The following SMYD3 variants were observed in gnomAD, a reference collection of about 807,000 sequenced individuals.
The protein encoded by SMYD3 is SET and MYND domain containing 3.
A neutral mutation model predicts 57.7 loss-of-function variants in SMYD3; 36 were observed. The observed-to-expected ratio is 0.62, with a 90% CI of 0.48 to 0.82. SMYD3 has a LOEUF of 0.82. Among genes scored for constraint, SMYD3 ranks in the 40% least tolerant of loss-of-function variants. SMYD3 has a pLI of 0.00. For synonymous variants in SMYD3, 211 were observed against 195.0 expected (o/e 1.08, Z -0.68); for missense variants, 515 against 538.8 (o/e 0.96, Z 0.44).
Position 245,831,211 on chromosome 1 carries a change from T to C in SMYD3, c.1076+27285A>G, listed in dbSNP as rs146959362. 3.5e-3 allele frequency among the ~76,000 whole-genome samples: 534 copies of C among 152,310 alleles called. 2 individuals are homozygous for C. Among genetic ancestry groups the C allele is most frequent in the African/African-American group, 0.012 (489 of 41,564 alleles). ...TATCTTACTGAGACTAATAAATTACTGTCCTTCACAACAGAGGTACACAAA... is the reference window on the plus strand; with the variant it reads ...TATCTTACTGAGACTAATAAATTACCGTCCTTCACAACAGAGGTACACAAA... On this transcript the variant is annotated intron_variant, in intron 10 of 11. Transcript: ENST00000490107.
intron 5 of SMYD3, chr1:246,326,073 A>C (rs2065344380): frequency 7.4e-6 from 2 of 269,624 alleles, no homozygotes; most frequent in Non-Finnish European, 1.4e-5. Flanking sequence ...CAGAATAAAA[A>C]TACATTTGAG....
At chr1:246,367,716 G>A (rs754397723) in intron 1 of SMYD3, among the ~76,000 whole-genome samples, 2 of 152,134 alleles carry the variant, frequency 1.3e-5, no homozygotes, top group Admixed American at 1.3e-4. Flanking sequence ...ACAGGCGTGA[G>A]CCACCATGCC....
chr1:245,988,509 T>G (rs186894762), intron 5 of SMYD3: 4 of 152,376 alleles, frequency 2.6e-5, no homozygotes, highest in African/African-American at 9.6e-5. Context: ...GTAACCATCT[T>G]CTTCTGTAGC....
At chr1:245,935,483 T>G (rs6694134) in intron 5 of SMYD3, among the ~76,000 whole-genome samples, 9,006 of 152,184 alleles carry the variant, frequency 0.059, 889 homozygotes, top group African/African-American at 0.21. Flanking sequence ...TGAAAAACTG[T>G]ACAGAAGTTA....
intron 5 of SMYD3, among the ~76,000 whole-genome samples, chr1:245,980,020 G>C (rs1360146470): frequency 6.6e-6 from 1 of 152,224 alleles, no homozygotes; most frequent in African/African-American, 2.4e-5. Flanking sequence ...GCCAGCTGTG[G>C]GGCTTTGGGA....
intron 1 of SMYD3, among the ~76,000 whole-genome samples, chr1:246,488,045 G>A (rs1284950614): frequency 3.3e-5 from 5 of 152,190 alleles, no homozygotes; most frequent in East Asian, 3.9e-4. Context: ...ATGTGACCTC[G>A]TAATAAACTG....
intron 10 of SMYD3, among the ~76,000 whole-genome samples, chr1:245,785,750 G>A (rs1189024831): frequency 6.6e-6 from 1 of 152,186 alleles, no homozygotes. Context: ...ACCGGCTGCA[G>A]TGTAGTGCTG....
intron 1 of SMYD3, among the ~76,000 whole-genome samples, chr1:246,487,434 T>C (rs1328808709): frequency 6.6e-6 from 1 of 151,690 alleles, no homozygotes; most frequent in African/African-American, 2.4e-5. Context: ...CACTCCAGCC[T>C]GGGCAACAGA....
rs1207758659 is a variant in SMYD3 at position 246,474,291 on chromosome 1, G to A, written c.164+32763C>T. The stretch of plus-strand genomic sequence containing the variant: ...TGCAAGCACTTTGCGGGGCCAAGGC[G>A]GGTGGATCATGAGATCAGGAGATCG... On this transcript the variant is annotated intron_variant, in intron 1 of 11. Coordinates refer to ENST00000490107, the MANE Select transcript of SMYD3 (RefSeq NM_001167740.2). Among the ~76,000 whole-genome samples the A allele has an allele frequency of 3.9e-5, 6 of 152,032 alleles. No homozygotes were observed. The South Asian group carries it at 8.3e-4, about 21-fold the overall frequency.
chr1:246,360,205 T>A (rs1468366214), intron 1 of SMYD3, among the ~76,000 whole-genome samples: 1 of 152,052 alleles, frequency 6.6e-6, no homozygotes, highest in African/African-American at 2.4e-5. Flanking sequence ...ACTCAATCCC[T>A]TTTACAATAG....
intron 5 of SMYD3, among the ~76,000 whole-genome samples, chr1:245,948,903 G>A (rs2057517910): frequency 1.3e-5 from 2 of 152,194 alleles, no homozygotes; most frequent in Admixed American, 1.3e-4. Flanking sequence ...GGCAAGCCAT[G>A]CAAAGGCCTG....
chr1:245,760,452 G>T (rs560380557), intron 11 of SMYD3, among the ~76,000 whole-genome samples: 1 of 152,098 alleles, frequency 6.6e-6, no homozygotes, highest in African/African-American at 2.4e-5. Context: ...CACAGGTCAC[G>T]TGAGCTTTCC....
At chr1:246,429,015 C>A (rs1333986702) in intron 1 of SMYD3, among the ~76,000 whole-genome samples, 1 of 151,610 alleles carries the variant, frequency 6.6e-6, no homozygotes, top group Non-Finnish European at 1.5e-5. Context: ...TCCTTCCTAC[C>A]AAACAAAAGC....
intron 5 of SMYD3, among the ~76,000 whole-genome samples, chr1:246,054,975 A>G (rs1558186893): frequency 6.6e-6 from 1 of 151,556 alleles, no homozygotes; most frequent in Non-Finnish European, 1.5e-5. Context: ...GGAGATCGTG[A>G]CCATCCTGGC....
chr1:245,862,260 T>A (rs2051589868), intron 9 of SMYD3, among the ~76,000 whole-genome samples: 1 of 152,136 alleles, frequency 6.6e-6, no homozygotes, highest in Non-Finnish European at 1.5e-5. Context: ...GGTACTATCA[T>A]CTCTATCATT....
At chr1:246,380,007 CAA>C (rs111443015) in intron 1 of SMYD3, among the ~76,000 whole-genome samples, 1 of 104,684 alleles carries the variant, frequency 9.6e-6, no homozygotes. Flanking sequence ...CACTCTGTCT[CAA>C]AAAAAAAAAG....
At chr1:245,994,648 G>A (rs10802313) in intron 5 of SMYD3, among the ~76,000 whole-genome samples, 2 of 151,934 alleles carry the variant, frequency 1.3e-5, no homozygotes, top group Non-Finnish European at 2.9e-5. Context: ...TCAGAAATAG[G>A]GGAGGGCCTT....
intron 1 of SMYD3, among the ~76,000 whole-genome samples, chr1:246,491,511 G>C (rs1211332836): frequency 2.0e-5 from 3 of 148,954 alleles, no homozygotes; most frequent in Non-Finnish European, 4.4e-5. Flanking sequence ...TTGCACTCCA[G>C]CCTCGGCAAC....
At chr1:246,408,027 G>A (rs1393406245) in intron 1 of SMYD3, among the ~76,000 whole-genome samples, 1 of 151,788 alleles carries the variant, frequency 6.6e-6, no homozygotes, top group Admixed American at 6.6e-5. Flanking sequence ...TCCTCACTTG[G>A]CAGAAGGGGA....
Sources: gnomAD v4.1 joint callset for allele counts (sites outside exome capture counted in the v4.1 genomes callset) on GRCh38, gnomAD v4.1.1 for gene constraint, MANE v1.5 for transcripts, NCBI Gene and HGNC (gene_info 2026-07-23, HGNC 2026-07-21) for gene names.